YWHAB: variants seen among roughly 807,000 people sequenced by gnomAD.
YWHAB encodes the protein 14-3-3 protein beta/alpha.
In YWHAB, 2 loss-of-function variants were observed where a neutral mutation model predicts 28.5. The ratio of observed to expected loss-of-function variants is 0.07; its 90% CI spans 0.03 to 0.22. YWHAB has a LOEUF of 0.22. Ranked by LOEUF, YWHAB falls within the 10% of genes least tolerant of loss-of-function variation. The pLI is 1.00. For missense variants in YWHAB, 148 were observed against 297.1 expected (o/e 0.50, Z 3.69); for synonymous variants, 103 against 104.7 (o/e 0.98, Z 0.10).
In YWHAB at chr20:44,907,517, T is replaced by A. The variant is rs1487483856; in HGVS notation, c.*1079T>A. The A allele has an allele frequency of 2.6e-5, 4 of 151,996 alleles. No homozygotes were observed. Among genetic ancestry groups the A allele is most frequent in the African/African-American group, 9.7e-5 (4 of 41,358 alleles). 9.4% of individuals were successfully genotyped at this position (151,996 alleles called of 1,614,324 possible). A position where few individuals can be genotyped will look rare whatever the true frequency, so the allele number is the denominator to read the frequency against. ...TAGAGATGGCCTTTCACTTGAGGAG[T>A]ACTCAGTTTTCAGGTTCTTCCTAGC... On this transcript the variant is annotated 3_prime_UTR_variant, in exon 6 of 6. Coordinates refer to ENST00000353703, the MANE Select transcript of YWHAB (RefSeq NM_139323.4).
chr20:44,895,053 TCA>T (rs755645563), intron 1 of YWHAB, among the ~76,000 whole-genome samples: 2 of 152,246 alleles, frequency 1.3e-5, no homozygotes, highest in African/African-American at 2.4e-5. Context: ...CTCATCTGTA[TCA>T]CAGAATGGCA....
intron 3 of YWHAB, among the ~76,000 whole-genome samples, chr20:44,904,655 C>T (rs960326613): frequency 6.6e-5 from 10 of 152,190 alleles, no homozygotes; most frequent in Admixed American, 2.0e-4. Context: ...TTGGATCTAT[C>T]GACTCTAAAG....
chr20:44,898,694 G>A (rs868134245), intron 1 of YWHAB, among the ~76,000 whole-genome samples: 7 of 151,962 alleles, frequency 4.6e-5, no homozygotes, highest in Non-Finnish European at 1.0e-4. Context: ...TTTTAGTAGA[G>A]ACGGGGTTTC....
In YWHAB at chr20:44,905,086, T is replaced by C. The variant is rs373357236; in HGVS notation, c.543T>C (p.Tyr181=). The change falls in exon 4 of 6, where the codon TAT becomes TAC. Residue 181 remains tyrosine, a synonymous_variant. Transcript: ENST00000353703. ...CACTAAATTTCTCAGTCTTTTACTA[T>C]GAGATTCTAAACTCTCCTGAAAAGG... The part of the protein sequence containing the change: ...GLALNFSVFY[Y]EILNSPEKAC... The C allele has an allele frequency of 6.2e-7, 1 of 1,613,314 alleles. No homozygotes were observed. The highest frequency in any genetic ancestry group is 8.5e-7 in the Non-Finnish European group (1 of 1,179,518).
chr20:44,895,618 G>A (rs923002539), intron 1 of YWHAB, among the ~76,000 whole-genome samples: 6 of 152,094 alleles, frequency 3.9e-5, no homozygotes, highest in South Asian at 2.1e-4. Flanking sequence ...ACAGGCATGA[G>A]CCACCACACC....
chr20:44,895,973 G>T (rs1205821656), intron 1 of YWHAB, among the ~76,000 whole-genome samples: 2 of 152,216 alleles, frequency 1.3e-5, no homozygotes, highest in Non-Finnish European at 2.9e-5. Flanking sequence ...TACCAATTAT[G>T]TACAGGATGC....
intron 3 of YWHAB, 91 bp from the exon 4 acceptor site, chr20:44,904,877 T>C (rs1356253574): frequency 1.5e-6 from 2 of 1,343,578 alleles, no homozygotes; most frequent in African/African-American, 2.9e-5. Context: ...TCCTGCCCAG[T>C]TTGGGACTGA....
rs3091859 is a variant in YWHAB at position 44,893,694 on chromosome 20, C to CTTTT, written c.-3-7819_-3-7816dup. Among the ~76,000 whole-genome samples the CTTTT allele has an allele frequency of 6.3e-3, 652 of 103,724 alleles. 19 individuals are homozygous for CTTTT. Among genetic ancestry groups the CTTTT allele is most frequent in the African/African-American group, 0.014 (353 of 24,644 alleles). The allele number at this position is 103,724 out of a possible 152,430, so 68.0% of individuals were successfully genotyped here. ...CCATCTATCTCCTTCCCTCCCCTGC[C>CTTTT]TTTTTTTTTTTTTTTTTTTTTGAGA... On this transcript the variant is annotated intron_variant, in intron 1 of 5. Transcript: ENST00000353703.
chr20:44,894,854 G>T (rs1301653022), intron 1 of YWHAB, among the ~76,000 whole-genome samples: 3 of 152,228 alleles, frequency 2.0e-5, no homozygotes, highest in Admixed American at 6.5e-5. Flanking sequence ...ACACAGTCCT[G>T]CTGCCTTCCG....
intron 1 of YWHAB, among the ~76,000 whole-genome samples, chr20:44,897,579 T>C (rs1008261551): frequency 6.6e-6 from 1 of 152,236 alleles, no homozygotes; most frequent in African/African-American, 2.4e-5. Context: ...GTTAGATATA[T>C]GAAGACAGTG....
chr20:44,904,402 T>G (rs1251538123), intron 3 of YWHAB, among the ~76,000 whole-genome samples: 1 of 152,112 alleles, frequency 6.6e-6, no homozygotes, highest in East Asian at 1.9e-4. Flanking sequence ...CTTTTTATAC[T>G]TGGTGGTACG....
intron 2 of YWHAB, 59 bp downstream of exon 2, chr20:44,901,892 A>G: frequency 6.7e-7 from 1 of 1,502,358 alleles, no homozygotes; most frequent in Non-Finnish European, 8.9e-7. Context: ...AATTTAATGT[A>G]TAAATGCAGA....
rs867124819 is a variant in YWHAB, at chr20:44,903,615, T to G, written c.301-378T>G. 9 of 164,004 alleles carry G rather than the reference T, an allele frequency of 5.5e-5. 1 individual carries two copies. The Middle Eastern group carries it at 0.015, about 278-fold the overall frequency. 10.2% of individuals were successfully genotyped at this position (164,004 alleles called of 1,614,324 possible). On this transcript the variant is annotated intron_variant, in intron 2 of 5. Coordinates refer to ENST00000353703, the MANE Select transcript of YWHAB (RefSeq NM_139323.4). ...CTTTTCCCTTATATATTTGTGAGCA[T>G]GTACACAAATGTATCTTAATGTTAA...
At chr20:44,905,915 A>C (rs2066653099) in intron 4 of YWHAB, 86 bp from the exon 5 acceptor site, 1 of 966,018 alleles carries the variant, frequency 1.0e-6, no homozygotes, top group African/African-American at 1.6e-5. Context: ...CAAGAAGATA[A>C]GTTATATTCA....
intron 1 of YWHAB, among the ~76,000 whole-genome samples, chr20:44,897,832 A>G (rs920073377): frequency 5.3e-5 from 8 of 152,238 alleles, no homozygotes; most frequent in South Asian, 2.1e-4. Flanking sequence ...CAGCTCCAGC[A>G]TCTCAATGTT....
Position 44,904,975 on chromosome 20 carries a change from G to T in YWHAB, c.432G>T (p.Val144=). 1 of 1,599,824 alleles carries T rather than the reference G, an allele frequency of 6.3e-7. No homozygotes were observed. Among genetic ancestry groups the T allele is most frequent in the East Asian group, 2.2e-5 (1 of 44,518 alleles). The change falls in exon 4 of 6, where the codon GTG becomes GTT. Residue 144 remains valine, a synonymous_variant. Transcript: ENST00000353703. ...TTCATCTTTATGTTACAGCCACTGTGTCGAACTCCCAGCAGGCTTACCAGG... is the reference window on the plus strand; with the variant it reads ...TTCATCTTTATGTTACAGCCACTGTTTCGAACTCCCAGCAGGCTTACCAGG... The part of the protein sequence containing the change: ...VASGDNKQTT[V]SNSQQAYQEA...
intron 1 of YWHAB, among the ~76,000 whole-genome samples, chr20:44,893,899 A>G (rs2066579231): frequency 6.6e-6 from 1 of 151,750 alleles, no homozygotes; most frequent in South Asian, 2.1e-4. Context: ...GTTTCACCAC[A>G]TTGGCCACGC....
chr20:44,905,060 G>A lies in YWHAB; in HGVS notation c.517G>A (p.Ala173Thr). The A allele has an allele frequency of 6.2e-7, 1 of 1,613,280 alleles. No individual in the cohort carries two copies. Among genetic ancestry groups the A allele is most frequent in the Non-Finnish European group, 8.5e-7 (1 of 1,179,524 alleles). The change falls in exon 4 of 6, where the codon GCA (alanine) becomes ACA (threonine). Residue 173 changes from alanine to threonine, a missense_variant. This residue lies in a region of YWHAB where 38 missense variants were observed against 119.2 expected (regional missense o/e 0.32). Transcript: ENST00000353703. ...QPTHPIRLGLALNFSVFYYEI... is the reference protein window; with the variant it reads ...QPTHPIRLGLTLNFSVFYYEI... The stretch of plus-strand genomic sequence containing the variant: ...TACACACCCAATTCGTCTTGGTCTG[G>A]CACTAAATTTCTCAGTCTTTTACTA...
rs78769998 is a variant in YWHAB at position 44,887,952 on chromosome 20, A to G, written c.-4+2066A>G. Among the ~76,000 whole-genome samples the G allele has an allele frequency of 3.2e-3, 488 of 152,352 alleles. 3 individuals are homozygous for G. The highest frequency in any genetic ancestry group is 0.011 in the African/African-American group (477 of 41,584). ...TCTCCAGTTAACATCTGATGACACT[A>G]AACCCTGCTTTGTACACATGTTGCT... On this transcript the variant is annotated intron_variant, in intron 1 of 5. Transcript: ENST00000353703.
Sources: allele counts gnomAD v4.1 joint callset (sites outside exome capture counted in the v4.1 genomes callset), GRCh38; gene constraint gnomAD v4.1.1; regional missense constraint gnomAD v4.1.1; transcripts MANE v1.5; gene names NCBI Gene and HGNC (gene_info 2026-07-23, HGNC 2026-07-21).